The following GBP7 variants were observed in gnomAD, a reference collection of about 807,000 sequenced individuals.
GBP7 encodes the protein guanylate-binding protein 7.
A neutral mutation model predicts 61.3 loss-of-function variants in GBP7; 43 were observed. The ratio of observed to expected loss-of-function variants is 0.70; its 90% CI spans 0.55 to 0.91. The LOEUF (loss-of-function observed/expected upper bound fraction) is 0.91. Among genes scored for constraint, GBP7 ranks in the 40% least tolerant of loss-of-function variants. The pLI is 0.00. For missense variants in GBP7, 717 were observed against 740.5 expected (o/e 0.97, Z 0.37); for synonymous variants, 267 against 271.0 (o/e 0.99, Z 0.14).
chr1:89,154,405 GT>G (rs556778755), intron 3 of GBP7, among the ~76,000 whole-genome samples: 25 of 152,106 alleles, frequency 1.6e-4, no homozygotes, highest in Non-Finnish European at 3.2e-4. Flanking sequence ...CCAGGCTGCA[GT>G]GCAATGGTGC....
chr1:89,147,400 G>A lies in GBP7; in HGVS notation c.1365+167C>T, dbSNP rs188839685. Among the ~76,000 whole-genome samples, 10 of 152,298 alleles carry A rather than the reference G, an allele frequency of 6.6e-5. No individual in the cohort carries two copies. In the East Asian group the frequency reaches 1.7e-3, roughly 26 times the overall value. ...TGGGAAAAAAAATAGTTCTGTTTTA[G>A]TAAGAGTAGCTAAATAATTGTGGAT... On this transcript the variant is annotated intron_variant, in intron 8 of 10. Transcript: ENST00000294671.
At chr1:89,156,579 T>A (rs1557461360) in intron 3 of GBP7, among the ~76,000 whole-genome samples, 1 of 152,048 alleles carries the variant, frequency 6.6e-6, no homozygotes, top group East Asian at 1.9e-4. Context: ...AAAACAGACT[T>A]TAAACAAACA....
In GBP7 at chr1:89,152,380, A is replaced by G; in HGVS notation, c.513T>C (p.Ser171=). Residue 171 remains serine, a synonymous_variant, in exon 5 of 11, where the codon AGT becomes AGC. Transcript: ENST00000294671. The part of the protein sequence containing the change: ...DEVEDSSEFV[S]FFPDFIWTVR... ...CAGTCCAAATAAAGTCTGGAAAGAA[A>G]CTCACAAACTCGCTGGAGTCCTCAA... The G allele has an allele frequency of 6.2e-7, 1 of 1,614,064 alleles. No homozygotes were observed. The highest frequency in any genetic ancestry group is 8.5e-7 in the Non-Finnish European group (1 of 1,180,018).
Position 89,171,910 on chromosome 1 carries a change from C to G in GBP7, c.26G>C (p.Gly9Ala). ...AGTGTTCTCAGTGAGGCACACTGGGCCTGGCATGTGGATCTCTGATGCCAT... is the reference window on the plus strand; with the variant it reads ...AGTGTTCTCAGTGAGGCACACTGGGGCTGGCATGTGGATCTCTGATGCCAT... Reference protein sequence around the residue: MASEIHMPGPVCLTENTKG... With the variant: MASEIHMPAPVCLTENTKG... Residue 9 changes from glycine (G) to alanine (A), a missense_variant, in exon 2 of 11, where the codon GGC becomes GCC. Physicochemically the swap from Gly to Ala is moderately conservative, Grantham distance 60. Coordinates refer to ENST00000294671, the MANE Select transcript of GBP7 (RefSeq NM_207398.3). 1 of 1,612,824 alleles carries G rather than the reference C, an allele frequency of 6.2e-7. No individual in the cohort carries two copies. Among genetic ancestry groups the G allele is most frequent in the Middle Eastern group, 1.7e-4 (1 of 6,056 alleles).
At chr1:89,162,042 C>CTT (rs58355264) in intron 3 of GBP7, among the ~76,000 whole-genome samples, 1,824 of 143,986 alleles carry the variant, frequency 0.013, 39 homozygotes, top group African/African-American at 0.04. Context: ...TTCCCCATTG[C>CTT]TTTTTTTTTT....
At chr1:89,149,750 C>T (rs1024807771) in intron 6 of GBP7, among the ~76,000 whole-genome samples, 178 bp from the exon 7 acceptor site, 5 of 152,024 alleles carry the variant, frequency 3.3e-5, no homozygotes, top group Admixed American at 6.5e-5. Context: ...CACTTTCCTA[C>T]GATAACATGA....
chr1:89,146,575 T>A (rs767585286), intron 8 of GBP7, among the ~76,000 whole-genome samples: 5 of 152,088 alleles, frequency 3.3e-5, no homozygotes, highest in Admixed American at 2.6e-4. Context: ...TATAACTCAA[T>A]AGCAACACAA....
chr1:89,173,923 T>C lies in GBP7; in HGVS notation c.-19-1969A>G, dbSNP rs1266037812. 3.9e-5 allele frequency among the ~76,000 whole-genome samples: 6 copies of C among 152,316 alleles called. No homozygotes were observed. The East Asian group carries it at 9.7e-4, about 25-fold the overall frequency. On this transcript the variant is annotated intron_variant, in intron 1 of 10. Coordinates refer to ENST00000294671, the MANE Select transcript of GBP7 (RefSeq NM_207398.3). ...CTACCACATTCCCACCCATCCTCCA[T>C]AGATACCCAATCTTGTTAGTTTCTG... is the stretch of plus-strand genomic sequence containing the variant.
chr1:89,134,475 CTGCAGCACAGCAGG>C (rs1681750097), intron 9 of GBP7, among the ~76,000 whole-genome samples: 2 of 152,180 alleles, frequency 1.3e-5, no homozygotes, highest in African/African-American at 4.8e-5. Context: ...AAGTTGGCCC[CTGCAGCACAGCAGG>C]TGCTTAACCT....
chr1:89,164,002 T>C (rs1474877793), intron 3 of GBP7, among the ~76,000 whole-genome samples: 2 of 152,106 alleles, frequency 1.3e-5, no homozygotes, highest in African/African-American at 4.8e-5. Context: ...CCTGAATAGC[T>C]GGGATTACAG....
chr1:89,159,911 C>T lies in GBP7; in HGVS notation c.318+4820G>A, dbSNP rs150601857. Among the ~76,000 whole-genome samples, 500 of 151,338 alleles carry T rather than the reference C, an allele frequency of 3.3e-3. 4 individuals are homozygous for T. The highest frequency in any genetic ancestry group is 0.012 in the African/African-American group (478 of 41,414). ...ACGCTACTATAAAGACACATGCACA[C>T]GTATGTTTATTTTGGCACTATTCAC... On this transcript the variant is annotated intron_variant, in intron 3 of 10. Transcript: ENST00000294671.
chr1:89,156,877 C>T (rs147178652), intron 3 of GBP7, among the ~76,000 whole-genome samples: 1 of 152,102 alleles, frequency 6.6e-6, no homozygotes, highest in South Asian at 2.1e-4. Flanking sequence ...TCAGAGCTCT[C>T]CACCCCAAAT....
chr1:89,173,605 C>G (rs566679020), intron 1 of GBP7, among the ~76,000 whole-genome samples: 1 of 152,154 alleles, frequency 6.6e-6, no homozygotes, highest in African/African-American at 2.4e-5. Context: ...TATACACACT[C>G]AAAACATTGC....
At chr1:89,158,065 A>G (rs1383028330) in intron 3 of GBP7, among the ~76,000 whole-genome samples, 2 of 152,194 alleles carry the variant, frequency 1.3e-5, no homozygotes, top group African/African-American at 4.8e-5. Flanking sequence ...ACACATGCAA[A>G]TCAATAAACG....
At chr1:89,169,730 G>T (rs1346752045) in intron 2 of GBP7, among the ~76,000 whole-genome samples, 1 of 152,138 alleles carries the variant, frequency 6.6e-6, no homozygotes, top group South Asian at 2.1e-4. Context: ...CACACAAAAA[G>T]TTCACCAAAC....
chr1:89,136,146 G>A (rs1576296), intron 9 of GBP7, among the ~76,000 whole-genome samples: 96,298 of 151,994 alleles, frequency 0.63, 31,045 homozygotes, highest in East Asian at 0.78. Context: ...AATACTAGAG[G>A]ACCCTAGATT....
At chr1:89,157,509 A>G (rs1463032441) in intron 3 of GBP7, among the ~76,000 whole-genome samples, 1 of 152,044 alleles carries the variant, frequency 6.6e-6, no homozygotes, top group Non-Finnish European at 1.5e-5. Context: ...TGCAATAAAA[A>G]ACGATATAGG....
At chr1:89,134,604 G>GA (rs57740811) in intron 9 of GBP7, among the ~76,000 whole-genome samples, 9 of 143,568 alleles carry the variant, frequency 6.3e-5, no homozygotes, top group African/African-American at 2.3e-4. Context: ...AAATCATCCA[G>GA]AAAAAAAAAA....
intron 3 of GBP7, among the ~76,000 whole-genome samples, chr1:89,155,097 G>A (rs1003967583): frequency 6.6e-6 from 1 of 152,244 alleles, no homozygotes; most frequent in African/African-American, 2.4e-5. Flanking sequence ...AGGGTCTGGA[G>A]TGGACCTCCA....
Sources: allele counts gnomAD v4.1 joint callset (sites outside exome capture counted in the v4.1 genomes callset), GRCh38; gene constraint gnomAD v4.1.1; transcripts MANE v1.5; gene names NCBI Gene and HGNC (gene_info 2026-07-23, HGNC 2026-07-21).